EML5: variants seen among roughly 807,000 people sequenced by gnomAD.
EML5 encodes the protein echinoderm microtubule-associated protein-like 5.
EML5 carries 120 observed loss-of-function variants against 250.0 expected under a neutral mutation model. The observed-to-expected ratio is 0.48, with a 90% CI of 0.41 to 0.56. The LOEUF (loss-of-function observed/expected upper bound fraction) is 0.56. EML5 is among the 20% of genes least tolerant of loss of function. The pLI is 0.00. For missense variants in EML5, 2,006 were observed against 2,437.6 expected (o/e 0.82, Z 3.73); for synonymous variants, 771 against 806.5 (o/e 0.96, Z 0.75).
chr14:88,712,219 C>T lies in EML5; in HGVS notation c.1657+52G>A, dbSNP rs946845821. 3.0e-5 allele frequency: 39 copies of T among 1,306,284 alleles called. No homozygotes were observed. The Admixed American group carries it at 4.9e-4, about 17-fold the overall frequency. The allele number at this position is 1,306,284 out of a possible 1,614,324, so 80.9% of individuals were successfully genotyped here. ...TCAAGACTAATTTTCTGCAAGAACA[C>T]GAAAGTCTTCTGTGAGAGAGAGGTT... On this transcript the variant is annotated intron_variant, in intron 10 of 43. Coordinates refer to ENST00000554922, the MANE Select transcript of EML5 (RefSeq NM_183387.3).
At chr14:88,691,480 C>G (rs1286642346) in intron 17 of EML5, among the ~76,000 whole-genome samples, 1 of 152,214 alleles carries the variant, frequency 6.6e-6, no homozygotes, top group African/African-American at 2.4e-5. Flanking sequence ...ATGATACACA[C>G]AGCATAACAT....
chr14:88,792,806 CGA>C lies in EML5; in HGVS notation c.-305_-304del, dbSNP rs2094623778. On this transcript the variant is annotated 5_prime_UTR_variant, in exon 1 of 44. Coordinates refer to ENST00000554922, the MANE Select transcript of EML5 (RefSeq NM_183387.3). This position sits in a 1 kb window ranked among gnomAD's most constrained non-coding sequence, Gnocchi z 6.9. ...TCTCCTCAGCCCGTAGCGCCTGGGC[CGA>C]GAGCGAGGGCCCGCCTCCAGCTCCT... 2 of 960,166 alleles carry C rather than the reference CGA, an allele frequency of 2.1e-6. No individual in the cohort carries two copies. Among genetic ancestry groups the C allele is most frequent in the African/African-American group, 1.7e-5 (1 of 57,244 alleles). The allele number at this position is 960,166 out of a possible 1,614,324, so 59.5% of individuals were successfully genotyped here.
chr14:88,775,355 G>C (rs116726594), intron 1 of EML5, among the ~76,000 whole-genome samples: 2,839 of 151,912 alleles, frequency 0.019, 100 homozygotes, highest in African/African-American at 0.065. Flanking sequence ...TGGCATTTCT[G>C]GACCTGCCCT....
chr14:88,750,483 C>G (rs910656444), intron 2 of EML5, among the ~76,000 whole-genome samples: 2 of 151,758 alleles, frequency 1.3e-5, no homozygotes, highest in African/African-American at 2.4e-5. Context: ...ATATGTACTA[C>G]TTAAAGGAGT....
intron 21 of EML5, among the ~76,000 whole-genome samples, chr14:88,678,563 C>T (rs1404757197): frequency 6.6e-6 from 1 of 152,126 alleles, no homozygotes; most frequent in Non-Finnish European, 1.5e-5. Flanking sequence ...TAATTGTACT[C>T]ATTATAGTAC....
Position 88,621,096 on chromosome 14 carries a change from A to C in EML5, c.5202+17T>G. The C allele has an allele frequency of 6.2e-7, 1 of 1,601,710 alleles. No individual in the cohort carries two copies. The highest frequency in any genetic ancestry group is 8.5e-7 in the Non-Finnish European group (1 of 1,174,712). ...TTAGAAGTTGTAACCTCTTTTAAAA[A>C]AATTATCTGTACTTACTTTATCAGC... On this transcript the variant is annotated intron_variant, in intron 38 of 43. Transcript: ENST00000554922.
chr14:88,768,113 G>T (rs1195894765), intron 1 of EML5, among the ~76,000 whole-genome samples: 1 of 152,042 alleles, frequency 6.6e-6, no homozygotes, highest in Non-Finnish European at 1.5e-5. Context: ...ATTAAAGTGG[G>T]GTTATGCATT....
At chr14:88,644,395 A>G in intron 30 of EML5, 38 bp downstream of exon 30, 1 of 1,590,414 alleles carries the variant, frequency 6.3e-7, no homozygotes, top group Non-Finnish European at 8.6e-7. Context: ...AGAACTCTGG[A>G]TACATTTCAG....
chr14:88,690,759 A>T (rs1289946084), intron 17 of EML5, among the ~76,000 whole-genome samples: 3 of 152,216 alleles, frequency 2.0e-5, no homozygotes. Flanking sequence ...AACATTGATG[A>T]TACAGTAGAG....
intron 11 of EML5, chr14:88,705,840 T>G: frequency 1.6e-6 from 1 of 617,706 alleles, no homozygotes; most frequent in Non-Finnish European, 3.0e-6. Context: ...CTACATCAAA[T>G]TTAAATGTCT....
chr14:88,638,337 AAAG>A (rs1180602843), intron 32 of EML5, among the ~76,000 whole-genome samples: 1 of 152,216 alleles, frequency 6.6e-6, no homozygotes, highest in Non-Finnish European at 1.5e-5. Flanking sequence ...ATGACAAAGA[AAAG>A]AAAAAGGCAG....
chr14:88,672,342 A>G (rs1279775239), intron 21 of EML5, among the ~76,000 whole-genome samples: 3 of 152,172 alleles, frequency 2.0e-5, no homozygotes, highest in African/African-American at 7.2e-5. Flanking sequence ...AAGTCCTTTG[A>G]AACCAATAAG....
intron 17 of EML5, among the ~76,000 whole-genome samples, chr14:88,691,541 A>C (rs2092959246): frequency 6.6e-6 from 1 of 152,212 alleles, no homozygotes; most frequent in African/African-American, 2.4e-5. Flanking sequence ...ATTGCATCAA[A>C]AACTTTCAGA....
chr14:88,662,184 C>A (rs1220768708), intron 24 of EML5, among the ~76,000 whole-genome samples: 13 of 151,608 alleles, frequency 8.6e-5, no homozygotes, highest in Non-Finnish European at 1.8e-4. Context: ...TTCCAACTAA[C>A]CCTTACTAGA....
At chr14:88,704,761 T>C in intron 13 of EML5, 99 bp downstream of exon 13, 1 of 819,530 alleles carries the variant, frequency 1.2e-6, no homozygotes, top group Non-Finnish European at 1.9e-6. Flanking sequence ...TTCGGATATG[T>C]CATTTCAGGG....
At chr14:88,785,910 C>T (rs2094546683) in intron 1 of EML5, among the ~76,000 whole-genome samples, 1 of 152,086 alleles carries the variant, frequency 6.6e-6, no homozygotes. Flanking sequence ...TTAAATAGTT[C>T]CAATAACTTC....
intron 30 of EML5, 132 bp from the exon 31 acceptor site, chr14:88,643,154 A>G: frequency 1.2e-6 from 1 of 865,146 alleles, no homozygotes; most frequent in Non-Finnish European, 1.6e-6. Flanking sequence ...TTACAAACTT[A>G]ATATACAAAA....
At chr14:88,707,257 T>C (rs770659385) in intron 10 of EML5, among the ~76,000 whole-genome samples, 6 of 149,370 alleles carry the variant, frequency 4.0e-5, no homozygotes, top group African/African-American at 7.5e-5. Flanking sequence ...ATCTATGTGA[T>C]AATAGGGATA....
chr14:88,668,762 T>A (rs1489788647), intron 21 of EML5, among the ~76,000 whole-genome samples: 1 of 152,002 alleles, frequency 6.6e-6, no homozygotes, highest in Non-Finnish European at 1.5e-5. Flanking sequence ...AAGATTAATA[T>A]AGTAAGTATC....
Sources: allele counts gnomAD v4.1 joint callset (sites outside exome capture counted in the v4.1 genomes callset), GRCh38; gene constraint gnomAD v4.1.1; non-coding constraint Gnocchi (gnomAD v3.1); transcripts MANE v1.5; gene names NCBI Gene and HGNC (gene_info 2026-07-23, HGNC 2026-07-21).